The following LPIN1 variants were observed in gnomAD, a reference collection of about 807,000 sequenced individuals.
LPIN1 encodes the protein lipin 1, also known as phosphatidate phosphatase LPIN1.
LPIN1 carries 71 observed loss-of-function variants against 107.5 expected under a neutral mutation model. The ratio of observed to expected loss-of-function variants is 0.66; its 90% CI spans 0.55 to 0.80. The LOEUF (loss-of-function observed/expected upper bound fraction) is 0.80, where lower values mean the gene tolerates loss of function less well. Among genes scored for constraint, LPIN1 ranks in the 30% least tolerant of loss-of-function variants. The pLI is 0.00. For missense variants in LPIN1, 1,043 were observed against 1,160.6 expected (o/e 0.90, Z 1.47); for synonymous variants, 445 against 452.6 (o/e 0.98, Z 0.21).
At chr2:11,730,732 G>A (rs1665105740) in intron 1 of LPIN1, among the ~76,000 whole-genome samples, 1 of 152,150 alleles carries the variant, frequency 6.6e-6, no homozygotes, top group Non-Finnish European at 1.5e-5. Context: ...GAAGTTCATT[G>A]TTGCTATTGC....
intron 1 of LPIN1, among the ~76,000 whole-genome samples, chr2:11,758,730 A>T (rs1669052903): frequency 6.6e-6 from 1 of 152,264 alleles, no homozygotes; most frequent in Non-Finnish European, 1.5e-5. Context: ...GCCACAGCTG[A>T]TATCAAAGCA....
intron 17 of LPIN1, among the ~76,000 whole-genome samples, chr2:11,809,372 C>G (rs967551183): frequency 5.9e-5 from 9 of 152,042 alleles, no homozygotes; most frequent in Admixed American, 4.6e-4. Context: ...TGCGGTGTCC[C>G]AAGCCAGTGG....
chr2:11,725,140 A>G (rs1664491329), intron 1 of LPIN1, among the ~76,000 whole-genome samples: 1 of 152,220 alleles, frequency 6.6e-6, no homozygotes, highest in Non-Finnish European at 1.5e-5. Context: ...GGGCGCCTGT[A>G]GTCCCAGCTA....
chr2:11,799,688 C>G (rs946045216), intron 14 of LPIN1, among the ~76,000 whole-genome samples: 1 of 151,954 alleles, frequency 6.6e-6, no homozygotes, highest in African/African-American at 2.4e-5. Flanking sequence ...GAGGCCTTTG[C>G]TGGGGCTTAT....
intron 4 of LPIN1, among the ~76,000 whole-genome samples, chr2:11,772,262 C>T (rs1449323248): frequency 6.6e-6 from 1 of 152,212 alleles, no homozygotes; most frequent in East Asian, 1.9e-4. Flanking sequence ...CAGTTTCTAA[C>T]AGGGGCATGG....
chr2:11,750,995 G>A (rs1003450854), intron 1 of LPIN1, among the ~76,000 whole-genome samples: 6 of 152,234 alleles, frequency 3.9e-5, no homozygotes, highest in African/African-American at 7.2e-5. Flanking sequence ...GGAAAAGAAC[G>A]TCCTGTCCTT....
intron 1 of LPIN1, among the ~76,000 whole-genome samples, chr2:11,729,167 G>A (rs1664949854): frequency 6.6e-6 from 1 of 152,190 alleles, no homozygotes; most frequent in Non-Finnish European, 1.5e-5. Context: ...GGCAAGAGGA[G>A]GGAGAGCATT....
In LPIN1 at chr2:11,785,285, C is replaced by T. The variant is rs760790934; in HGVS notation, c.1549+209C>T. On this transcript the variant is annotated intron_variant, in intron 10 of 20. Coordinates refer to ENST00000674199, the MANE Select transcript of LPIN1 (RefSeq NM_001349206.2). ...TTCTGTGGGTCACCCATGGCTCGGG[C>T]CATCGTTGTGTGTCTCCTGTGCCCC... Among the ~76,000 whole-genome samples the T allele has an allele frequency of 2.0e-4, 30 of 152,192 alleles. 1 individual carries two copies. The highest frequency in any genetic ancestry group is 2.1e-4 in the Non-Finnish European group (14 of 68,028).
At chr2:11,691,815 A>G (rs1178290894) in intron 1 of LPIN1, among the ~76,000 whole-genome samples, 1 of 152,234 alleles carries the variant, frequency 6.6e-6, no homozygotes, top group Non-Finnish European at 1.5e-5. Context: ...GTTGATTTCC[A>G]TATTTCTTAG....
chr2:11,719,473 T>C (rs1481587187), upstream of LPIN1, among the ~76,000 whole-genome samples: 1 of 152,210 alleles, frequency 6.6e-6, no homozygotes, highest in African/African-American at 2.4e-5. Flanking sequence ...GGGTATAGCT[T>C]GCTCTATGTT....
upstream of LPIN1, chr2:11,745,765 C>T (rs1666837481): frequency 6.6e-6 from 1 of 152,434 alleles, no homozygotes; most frequent in Admixed American, 6.5e-5. Flanking sequence ...TTGCCTTGGC[C>T]TACAAGACCT....
intron 7 of LPIN1, among the ~76,000 whole-genome samples, chr2:11,781,762 C>T (rs1050268125): frequency 2.0e-5 from 3 of 152,254 alleles, no homozygotes; most frequent in Non-Finnish European, 4.4e-5. Flanking sequence ...GAAACCCCCA[C>T]TCTTTGCGGT....
intron 7 of LPIN1, among the ~76,000 whole-genome samples, chr2:11,780,854 T>A (rs1162956596): frequency 1.3e-5 from 2 of 152,244 alleles, no homozygotes; most frequent in Non-Finnish European, 2.9e-5. Context: ...TCTCCTTGGC[T>A]GTGGTACATG....
rs1183028760 is a variant in LPIN1 at position 11,805,006 on chromosome 2, A to C, written c.2163-64A>C. The C allele has an allele frequency of 4.2e-6, 4 of 947,892 alleles. No homozygotes were observed. The African/African-American group carries it at 4.9e-5, about 12-fold the overall frequency. 58.7% of individuals were successfully genotyped at this position (947,892 alleles called of 1,614,324 possible). ...TGTTTTTTTTTTTTTTTTATGAGGC[A>C]TGAATGGTGCAATGAATCTGAAAGG... On this transcript the variant is annotated intron_variant, in intron 16 of 20. Coordinates refer to ENST00000674199, the MANE Select transcript of LPIN1 (RefSeq NM_001349206.2).
At chr2:11,727,639 C>T (rs1325171595) in intron 1 of LPIN1, among the ~76,000 whole-genome samples, 8 of 152,218 alleles carry the variant, frequency 5.3e-5, no homozygotes, top group South Asian at 4.2e-4. Flanking sequence ...TCCATACATC[C>T]GTCTTATCTA....
At chr2:11,683,970 G>T (rs1034998199) in intron 1 of LPIN1, among the ~76,000 whole-genome samples, 12 of 152,372 alleles carry the variant, frequency 7.9e-5, no homozygotes, top group Middle Eastern at 3.4e-3. Flanking sequence ...GGGGGTGAGT[G>T]AGGTGAGCTC....
chr2:11,745,282 G>C (rs943102598), upstream of LPIN1: 2 of 152,290 alleles, frequency 1.3e-5, no homozygotes, highest in Non-Finnish European at 2.9e-5. Context: ...CCTGTAATCT[G>C]AGCCACCATC....
In LPIN1 at chr2:11,802,912, A is replaced by G. The variant is rs139638471; in HGVS notation, c.1892A>G (p.Lys631Arg). ...GACATCACTGTGTGTTCCAGGGTAA[A>G]GCATGAATCATCCTCCAGTGATGAG... is the stretch of plus-strand genomic sequence containing the variant. Reference protein sequence around the residue: ...PPQLSLATRVKHESSSSDEER... With the variant: ...PPQLSLATRVRHESSSSDEER... Residue 631 changes from lysine (K) to arginine (R), a missense_variant, in exon 15 of 21, where the codon AAG becomes AGG. Coordinates refer to ENST00000674199, the MANE Select transcript of LPIN1 (RefSeq NM_001349206.2). 8.1e-6 allele frequency: 13 copies of G among 1,613,150 alleles called. No homozygotes were observed. The Admixed American group carries it at 1.0e-4, about 12-fold the overall frequency.
At chr2:11,700,507 C>T (rs1274664973) in intron 1 of LPIN1, among the ~76,000 whole-genome samples, 2 of 152,084 alleles carry the variant, frequency 1.3e-5, no homozygotes, top group Non-Finnish European at 2.9e-5. Flanking sequence ...CTCTCTCTCT[C>T]GCTCTCTCTC....
Sources: gnomAD v4.1 joint callset for allele counts (sites outside exome capture counted in the v4.1 genomes callset) on GRCh38, gnomAD v4.1.1 for gene constraint, MANE v1.5 for transcripts, NCBI Gene and HGNC (gene_info 2026-07-23, HGNC 2026-07-21) for gene names.